UTRN: variants seen among roughly 807,000 people sequenced by gnomAD.
UTRN encodes the protein dystrophin-related protein 1.
Under a neutral mutation model 463.9 loss-of-function variants are expected in UTRN, and 283 were observed. The ratio of observed to expected loss-of-function variants is 0.61; its 90% CI spans 0.55 to 0.67. The LOEUF (loss-of-function observed/expected upper bound fraction) is 0.67, where lower values mean the gene tolerates loss of function less well. Among genes scored for constraint, UTRN ranks in the 30% least tolerant of loss-of-function variants. UTRN has a pLI of 0.00. For missense variants in UTRN, 3,922 were observed against 4,084.3 expected (o/e 0.96, Z 1.08); for synonymous variants, 1,442 against 1,431.5 (o/e 1.01, Z -0.17).
chr6:144,451,494 G>C lies in UTRN; in HGVS notation c.2196+1G>C. On this transcript the variant is annotated splice_donor_variant, in intron 18 of 74. Coordinates refer to ENST00000367545, the MANE Select transcript of UTRN (RefSeq NM_007124.3). LOFTEE classifies it high-confidence loss of function. ...TTCCGAAATGAAAAAGAAGTTGAAG[G>C]TAAAAAACATAAACCACATATATCC... 4 of 1,608,832 alleles carry C rather than the reference G, an allele frequency of 2.5e-6. No homozygotes were observed. Among genetic ancestry groups the C allele is most frequent in the Non-Finnish European group, 2.5e-6 (3 of 1,178,396 alleles).
intron 74 of UTRN, among the ~76,000 whole-genome samples, chr6:144,849,412 C>A (rs1782294791): frequency 6.6e-6 from 1 of 152,086 alleles, no homozygotes; most frequent in Non-Finnish European, 1.5e-5. Flanking sequence ...AATACAAGTG[C>A]TCAGAATTTA....
chr6:144,672,084 A>G (rs1781101238), intron 51 of UTRN, among the ~76,000 whole-genome samples: 4 of 152,056 alleles, frequency 2.6e-5, no homozygotes, highest in Admixed American at 6.6e-5. Context: ...GGATTTTTGC[A>G]TCTGTGTTTA....
intron 34 of UTRN, among the ~76,000 whole-genome samples, chr6:144,504,392 T>G (rs1794513102): frequency 6.6e-6 from 1 of 152,242 alleles, no homozygotes; most frequent in South Asian, 2.1e-4. Context: ...AAATAGCTTT[T>G]ATTATTTTGA....
chr6:144,644,814 T>C (rs946565866), intron 51 of UTRN, among the ~76,000 whole-genome samples: 2 of 152,138 alleles, frequency 1.3e-5, no homozygotes, highest in African/African-American at 4.8e-5. Context: ...CAGGAGGCCA[T>C]GAAGTAAGGG....
At chr6:144,363,837 C>T (rs184841932) in intron 2 of UTRN, among the ~76,000 whole-genome samples, 1 of 152,146 alleles carries the variant, frequency 6.6e-6, no homozygotes, top group East Asian at 1.9e-4. Context: ...GTAGAGGGCA[C>T]AGAATTAATA....
intron 62 of UTRN, among the ~76,000 whole-genome samples, chr6:144,790,720 A>G (rs1250278976): frequency 6.6e-6 from 1 of 152,214 alleles, no homozygotes; most frequent in Non-Finnish European, 1.5e-5. Flanking sequence ...AACAGCTGAA[A>G]ACGTTATCTT....
intron 25 of UTRN, among the ~76,000 whole-genome samples, chr6:144,476,819 G>A (rs1584941983): frequency 6.6e-6 from 1 of 152,164 alleles, no homozygotes; most frequent in African/African-American, 2.4e-5. Context: ...TGGATAGTTC[G>A]AGGAGGGTAT....
intron 1 of UTRN, among the ~76,000 whole-genome samples, chr6:144,289,433 G>A (rs1471592289): frequency 2.0e-5 from 3 of 152,126 alleles, no homozygotes; most frequent in Admixed American, 2.0e-4. Context: ...AGAAAGAATA[G>A]CACAATAAAC....
chr6:144,288,345 C>G (rs1285964552), intron 1 of UTRN, among the ~76,000 whole-genome samples: 1 of 152,148 alleles, frequency 6.6e-6, no homozygotes, highest in East Asian at 1.9e-4. Flanking sequence ...AGTGTGTAAA[C>G]AGTTGACTTT....
chr6:144,712,974 G>A (rs1785907158), intron 53 of UTRN, among the ~76,000 whole-genome samples: 1 of 152,150 alleles, frequency 6.6e-6, no homozygotes, highest in Non-Finnish European at 1.5e-5. Flanking sequence ...CTTAGAATAA[G>A]ACTGAAAGAA....
chr6:144,695,718 T>C (rs556348093), intron 52 of UTRN, among the ~76,000 whole-genome samples: 1 of 152,338 alleles, frequency 6.6e-6, no homozygotes, highest in African/African-American at 2.4e-5. Context: ...ATGATAAATT[T>C]CACTTCAATC....
intron 53 of UTRN, among the ~76,000 whole-genome samples, chr6:144,725,712 G>GTA (rs1787802669): frequency 6.6e-6 from 1 of 152,198 alleles, no homozygotes; most frequent in Non-Finnish European, 1.5e-5. Context: ...GAGAGTTAAA[G>GTA]TGTGAAATGA....
chr6:144,599,500 T>A (rs1445441900), intron 51 of UTRN, among the ~76,000 whole-genome samples: 1 of 152,104 alleles, frequency 6.6e-6, no homozygotes, highest in Non-Finnish European at 1.5e-5. Context: ...TTGTAAGGTA[T>A]AAAAAATGTT....
intron 51 of UTRN, among the ~76,000 whole-genome samples, chr6:144,666,921 C>T (rs1197806100): frequency 6.6e-6 from 1 of 152,174 alleles, no homozygotes; most frequent in Non-Finnish European, 1.5e-5. Context: ...GGCGAATTTT[C>T]TTTATGTTCT....
intron 60 of UTRN, among the ~76,000 whole-genome samples, chr6:144,779,312 A>AG (rs944804459): frequency 6.6e-6 from 1 of 152,160 alleles, no homozygotes; most frequent in African/African-American, 2.4e-5. Context: ...TTCCTTTGTC[A>AG]GGCACTTTGC....
intron 64 of UTRN, 54 bp downstream of exon 64, chr6:144,798,044 C>G: frequency 6.2e-7 from 1 of 1,609,734 alleles, no homozygotes; most frequent in East Asian, 2.2e-5. Context: ...TGTGTAATCT[C>G]AGTGGTACGT....
At chr6:144,345,123 G>T (rs1777458370) in intron 2 of UTRN, among the ~76,000 whole-genome samples, 1 of 152,132 alleles carries the variant, frequency 6.6e-6, no homozygotes, top group African/African-American at 2.4e-5. Context: ...CTTTCTTGTG[G>T]AATTACTCTT....
At chr6:144,752,463 C>T (rs1482158649) in intron 56 of UTRN, among the ~76,000 whole-genome samples, 1 of 151,770 alleles carries the variant, frequency 6.6e-6, no homozygotes, top group African/African-American at 2.4e-5. Context: ...GACTCTAGAC[C>T]TTATTTAAAT....
At chr6:144,429,310 A>T (rs1487011842) in intron 8 of UTRN, among the ~76,000 whole-genome samples, 1 of 152,168 alleles carries the variant, frequency 6.6e-6, no homozygotes, top group East Asian at 1.9e-4. Context: ...CTGTATCTTT[A>T]TCTTAAATGG....
Sources: allele counts gnomAD v4.1 joint callset (sites outside exome capture counted in the v4.1 genomes callset), GRCh38; gene constraint gnomAD v4.1.1; transcripts MANE v1.5; gene names NCBI Gene and HGNC (gene_info 2026-07-23, HGNC 2026-07-21).